Variants in ZFPM2 observed in about 807,000 individuals in gnomAD.
ZFPM2 encodes the protein zinc finger protein, FOG family member 2.
In ZFPM2, 20 loss-of-function variants were observed where a neutral mutation model predicts 98.6. The ratio of observed to expected loss-of-function variants is 0.20; its 90% CI spans 0.14 to 0.29. ZFPM2 has a LOEUF of 0.29. Among genes scored for constraint, ZFPM2 ranks in the 10% least tolerant of loss-of-function variants. The probability of loss-of-function intolerance (pLI) is 1.00; values close to 1 mark genes in which losing one functional copy is unlikely to be tolerated. For synonymous variants in ZFPM2, 518 were observed against 502.7 expected (o/e 1.03, Z -0.41); for missense variants, 1,310 against 1,388.6 (o/e 0.94, Z 0.90).
At chr8:105,481,071 C>G (rs1813107444) in intron 3 of ZFPM2, among the ~76,000 whole-genome samples, 1 of 151,960 alleles carries the variant, frequency 6.6e-6, no homozygotes, top group Non-Finnish European at 1.5e-5. Flanking sequence ...TTTTAAAAAT[C>G]CAGTTCACAG....
intron 1 of ZFPM2, among the ~76,000 whole-genome samples, chr8:105,347,037 A>G (rs1331540821): frequency 6.6e-6 from 1 of 152,212 alleles, no homozygotes; most frequent in Non-Finnish European, 1.5e-5. Context: ...GATTTAAAGA[A>G]GGATCCATGC....
intron 1 of ZFPM2, among the ~76,000 whole-genome samples, chr8:105,389,638 G>C (rs2129925494): frequency 6.6e-6 from 1 of 152,318 alleles, no homozygotes; most frequent in South Asian, 2.1e-4. Flanking sequence ...GGTATATGGG[G>C]AAACTAGAAT....
chr8:105,464,175 C>T (rs185687492), intron 3 of ZFPM2, among the ~76,000 whole-genome samples: 2 of 152,114 alleles, frequency 1.3e-5, no homozygotes, highest in East Asian at 3.9e-4. Flanking sequence ...TTTTATGGCC[C>T]ATCCAGAACA....
chr8:105,762,562 G>T (rs556270478), intron 5 of ZFPM2, among the ~76,000 whole-genome samples: 2 of 152,028 alleles, frequency 1.3e-5, no homozygotes, highest in East Asian at 3.9e-4. Context: ...TCTGAGCTGG[G>T]GATGCCAAGA....
chr8:105,626,806 A>G, intron 4 of ZFPM2, among the ~76,000 whole-genome samples: 1 of 152,196 alleles, frequency 6.6e-6, no homozygotes, highest in Non-Finnish European at 1.5e-5. Flanking sequence ...AGGAAGCCAC[A>G]CACCAAAAGC....
At chr8:105,744,704 T>G (rs1380417992) in intron 5 of ZFPM2, among the ~76,000 whole-genome samples, 1 of 140,116 alleles carries the variant, frequency 7.1e-6, no homozygotes, top group Non-Finnish European at 1.5e-5. Flanking sequence ...AGGATAAACT[T>G]AGATAAGCGT....
At chr8:105,648,884 C>A (rs1356392907) in intron 5 of ZFPM2, among the ~76,000 whole-genome samples, 3 of 152,130 alleles carry the variant, frequency 2.0e-5, no homozygotes, top group Non-Finnish European at 4.4e-5. Flanking sequence ...TCCATATGAA[C>A]TTTAAAGTAG....
chr8:105,379,701 C>T (rs952968456), intron 1 of ZFPM2, among the ~76,000 whole-genome samples: 1 of 150,180 alleles, frequency 6.7e-6, no homozygotes, highest in African/African-American at 2.5e-5. Flanking sequence ...TGTGGTGAGC[C>T]GAGATCACGC....
At chr8:105,376,034 C>T (rs1586326213) in intron 1 of ZFPM2, among the ~76,000 whole-genome samples, 1 of 152,074 alleles carries the variant, frequency 6.6e-6, no homozygotes, top group East Asian at 1.9e-4. Flanking sequence ...TCTATTCTTT[C>T]ATTTCCTCTT....
intron 3 of ZFPM2, among the ~76,000 whole-genome samples, chr8:105,475,755 A>C (rs1327237992): frequency 6.6e-6 from 1 of 152,210 alleles, no homozygotes; most frequent in African/African-American, 2.4e-5. Flanking sequence ...TAACAGCAGA[A>C]ATTTTACCCA....
rs540962972 is a variant in ZFPM2 at position 105,764,716 on chromosome 8, T to C, written c.533-24002T>C. On this transcript the variant is annotated intron_variant, in intron 5 of 7. Coordinates refer to ENST00000407775, the MANE Select transcript of ZFPM2 (RefSeq NM_012082.4). ...TTAGTTTCATGGTTCATTGCTATAC[T>C]TGATGCGATTTCAGGGTAATTTTAT... Among the ~76,000 whole-genome samples, 404 of 151,908 alleles carry C rather than the reference T, an allele frequency of 2.7e-3. 1 individual carries two copies. The highest frequency in any genetic ancestry group is 8.4e-3 in the African/African-American group (350 of 41,522).
chr8:105,628,272 A>G (rs1816695086), intron 4 of ZFPM2, among the ~76,000 whole-genome samples: 1 of 152,212 alleles, frequency 6.6e-6, no homozygotes, highest in Middle Eastern at 3.2e-3. Flanking sequence ...GTTATACTTC[A>G]ACTGTAAAGT....
intron 4 of ZFPM2, among the ~76,000 whole-genome samples, chr8:105,602,568 T>A (rs1243463513): frequency 6.6e-6 from 1 of 152,134 alleles, no homozygotes; most frequent in Non-Finnish European, 1.5e-5. Context: ...TATGTTCCAA[T>A]AATGGTTTTA....
intron 5 of ZFPM2, among the ~76,000 whole-genome samples, chr8:105,758,221 A>G (rs1812651650): frequency 2.0e-5 from 3 of 152,142 alleles, no homozygotes; most frequent in Admixed American, 1.3e-4. Context: ...AATCACGACT[A>G]TCATTCACTG....
At chr8:105,697,355 A>G (rs1002336500) in intron 5 of ZFPM2, among the ~76,000 whole-genome samples, 1 of 152,228 alleles carries the variant, frequency 6.6e-6, no homozygotes, top group African/African-American at 2.4e-5. Flanking sequence ...TCTTTACTGA[A>G]CTAACAATTT....
chr8:105,388,098 A>T (rs1375818297), intron 1 of ZFPM2, among the ~76,000 whole-genome samples: 1 of 152,222 alleles, frequency 6.6e-6, no homozygotes, highest in Non-Finnish European at 1.5e-5. Context: ...AAAAGATATG[A>T]TATGTGATGA....
At chr8:105,510,892 T>A (rs1225134321) in intron 3 of ZFPM2, among the ~76,000 whole-genome samples, 2 of 152,242 alleles carry the variant, frequency 1.3e-5, no homozygotes, top group Admixed American at 6.5e-5. Flanking sequence ...TGAGAAAGTC[T>A]TAAAATATGT....
At chr8:105,427,094 A>AT (rs1485335697) in intron 2 of ZFPM2, among the ~76,000 whole-genome samples, 2 of 152,236 alleles carry the variant, frequency 1.3e-5, no homozygotes, top group East Asian at 1.9e-4. Flanking sequence ...AATGAGATTG[A>AT]TTTTTTTAAA....
intron 3 of ZFPM2, among the ~76,000 whole-genome samples, chr8:105,539,437 C>G (rs1396751506): frequency 6.6e-6 from 1 of 152,156 alleles, no homozygotes; most frequent in Non-Finnish European, 1.5e-5. Context: ...GGGTGTCTTT[C>G]TGAACGTTTT....
Sources: gnomAD v4.1 joint callset for allele counts (sites outside exome capture counted in the v4.1 genomes callset) on GRCh38, gnomAD v4.1.1 for gene constraint, MANE v1.5 for transcripts, NCBI Gene and HGNC (gene_info 2026-07-23, HGNC 2026-07-21) for gene names.